The following AKAP9 variants were observed in gnomAD, a reference collection of about 807,000 sequenced individuals.
The protein encoded by AKAP9 is A-kinase anchoring protein 9, also known as A-kinase anchor protein 9.
A neutral mutation model predicts 488.5 loss-of-function variants in AKAP9; 311 were observed. That is an observed-to-expected ratio of 0.64 (90% CI 0.58 to 0.70). The LOEUF is 0.70. Ranked by LOEUF, AKAP9 falls within the 30% of genes least tolerant of loss-of-function variation. AKAP9 has a pLI of 0.00. For missense variants in AKAP9, 4,215 were observed against 4,374.5 expected (o/e 0.96, Z 1.03); for synonymous variants, 1,462 against 1,483.5 (o/e 0.99, Z 0.33).
chr7:92,102,903 C>T (rs567931152), intron 46 of AKAP9, 77 bp downstream of exon 46: 2 of 1,260,750 alleles, frequency 1.6e-6, no homozygotes, highest in Admixed American at 1.7e-5. Flanking sequence ...TCCCTCTATT[C>T]TCTGCTGGTT....
chr7:92,049,321 A>G (rs1807519886), intron 21 of AKAP9, among the ~76,000 whole-genome samples: 2 of 152,122 alleles, frequency 1.3e-5, no homozygotes, highest in South Asian at 4.1e-4. Context: ...TATTAAAAAT[A>G]AAGTTTAGGG....
chr7:92,110,251 A>T lies in AKAP9; in HGVS notation c.*92A>T. 1 of 1,003,804 alleles carries T rather than the reference A, an allele frequency of 1.0e-6. No individual in the cohort carries two copies. The highest frequency in any genetic ancestry group is 1.5e-6 in the Non-Finnish European group (1 of 650,058). 62.2% of individuals were successfully genotyped at this position (1,003,804 alleles called of 1,614,324 possible). On this transcript the variant is annotated 3_prime_UTR_variant, in exon 50 of 50. Transcript: ENST00000356239. ...TGTGCTTTTGTATTGTGAATATTCA[A>T]TGGGACCAATATGAACACAGCTTAT...
intron 1 of AKAP9, among the ~76,000 whole-genome samples, chr7:91,963,681 C>A (rs1794064887): frequency 6.6e-6 from 1 of 152,116 alleles, no homozygotes; most frequent in Non-Finnish European, 1.5e-5. Context: ...CCATGCCCGG[C>A]TAATTTTTTT....
chr7:91,994,489 T>C (rs1267769365), intron 5 of AKAP9, 132 bp from the exon 6 acceptor site: 1 of 824,030 alleles, frequency 1.2e-6, no homozygotes, highest in Non-Finnish European at 1.9e-6. Context: ...TTAATAGTTT[T>C]CAAATGTGGA....
rs573634454 is a variant in AKAP9 at position 92,068,400 on chromosome 7, C to A, written c.6331-1630C>A. Among the ~76,000 whole-genome samples, 228 of 150,348 alleles carry A rather than the reference C, an allele frequency of 1.5e-3. 1 individual carries two copies. Among genetic ancestry groups the A allele is most frequent in the African/African-American group, 5.0e-3 (206 of 41,018 alleles). On this transcript the variant is annotated intron_variant, in intron 26 of 49. Coordinates refer to ENST00000356239, the MANE Select transcript of AKAP9 (RefSeq NM_005751.5). ...AAAAAAAAAAAAAGAAAAAAGTTATCCACAGTTTCTAGTTATTGCCCCATT... is the reference window on the plus strand; with the variant it reads ...AAAAAAAAAAAAAGAAAAAAGTTATACACAGTTTCTAGTTATTGCCCCATT...
chr7:91,982,224 G>T (rs1238121148), intron 3 of AKAP9, among the ~76,000 whole-genome samples: 1 of 151,648 alleles, frequency 6.6e-6, no homozygotes, highest in African/African-American at 2.4e-5. Flanking sequence ...TAAGTTCTAG[G>T]GTACCTGTGC....
At chr7:92,044,290 GA>G (rs1806596293) in intron 20 of AKAP9, among the ~76,000 whole-genome samples, 2 of 152,162 alleles carry the variant, frequency 1.3e-5, no homozygotes, top group Admixed American at 1.3e-4. Context: ...CATTCTAGTT[GA>G]AAACAGGTTT....
intron 22 of AKAP9, chr7:92,057,608 C>T (rs930024092): frequency 1.5e-5 from 3 of 194,014 alleles, no homozygotes; most frequent in Non-Finnish European, 3.2e-5. Context: ...TTGAATAGCT[C>T]AGTTCAGAAG....
At chr7:92,038,120 AAG>A (rs1424194153) in intron 16 of AKAP9, among the ~76,000 whole-genome samples, 2 of 152,182 alleles carry the variant, frequency 1.3e-5, no homozygotes, top group Admixed American at 6.5e-5. Context: ...TTTTTCTTGG[AAG>A]AGAGAAATAT....
intron 40 of AKAP9, among the ~76,000 whole-genome samples, chr7:92,095,789 C>T (rs561883069): frequency 1.6e-4 from 24 of 152,168 alleles, no homozygotes; most frequent in African/African-American, 2.2e-4. Flanking sequence ...CATTTTTGCC[C>T]GATTTTTTAT....
At chr7:92,052,506 T>A (rs2130804290) in intron 21 of AKAP9, among the ~76,000 whole-genome samples, 1 of 152,296 alleles carries the variant, frequency 6.6e-6, no homozygotes, top group Non-Finnish European at 1.5e-5. Context: ...ACATGATCAA[T>A]TTCTGCAAAT....
intron 14 of AKAP9, among the ~76,000 whole-genome samples, chr7:92,025,375 A>G (rs1476060649): frequency 6.6e-6 from 1 of 152,166 alleles, no homozygotes; most frequent in Non-Finnish European, 1.5e-5. Flanking sequence ...TTGAATGAAA[A>G]TCATTCGTTT....
At chr7:92,095,319 C>T (rs1246751194) in intron 40 of AKAP9, 146 bp downstream of exon 40, 15 of 917,586 alleles carry the variant, frequency 1.6e-5, no homozygotes, top group Admixed American at 7.5e-5. Flanking sequence ...CTACATAAAC[C>T]GTATTATGAG....
chr7:92,069,075 G>C (rs1367713513), intron 26 of AKAP9, among the ~76,000 whole-genome samples: 2 of 152,138 alleles, frequency 1.3e-5, no homozygotes, highest in Non-Finnish European at 2.9e-5. Context: ...ACCAAGACTA[G>C]AGACATTTAG....
At chr7:91,982,560 A>G (rs1015741968) in intron 3 of AKAP9, among the ~76,000 whole-genome samples, 4 of 152,134 alleles carry the variant, frequency 2.6e-5, no homozygotes, top group African/African-American at 9.7e-5. Context: ...CATGATATGT[A>G]TGTGCCACAT....
intron 24 of AKAP9, among the ~76,000 whole-genome samples, chr7:92,064,391 G>T (rs1016311237): frequency 1.3e-5 from 2 of 151,220 alleles, no homozygotes; most frequent in Non-Finnish European, 2.9e-5. Context: ...TATACACTTT[G>T]TTATATTAAT....
intron 3 of AKAP9, among the ~76,000 whole-genome samples, chr7:91,981,912 T>C (rs1325805780): frequency 6.6e-6 from 1 of 152,226 alleles, no homozygotes; most frequent in East Asian, 1.9e-4. Context: ...CTATAGCTTG[T>C]ATTTCTTGAC....
intron 31 of AKAP9, among the ~76,000 whole-genome samples, chr7:92,081,174 TATC>T (rs1448942528): frequency 6.6e-6 from 1 of 152,186 alleles, no homozygotes; most frequent in African/African-American, 2.4e-5. Flanking sequence ...CATGTTATGT[TATC>T]ATTCCTTTTA....
chr7:92,040,666 T>TTAAA lies in AKAP9; in HGVS notation c.4693-8_4693-7insTAAA. The TTAAA allele has an allele frequency of 1.5e-6, 2 of 1,351,618 alleles. No individual in the cohort carries two copies. The highest frequency in any genetic ancestry group is 1.5e-5 in the African/African-American group (1 of 66,212). 83.7% of individuals were successfully genotyped at this position (1,351,618 alleles called of 1,614,324 possible). A position where few individuals can be genotyped will look rare whatever the true frequency, so the allele number is the denominator to read the frequency against. On this transcript the variant is annotated splice_region_variant and splice_polypyrimidine_tract_variant and intron_variant, in intron 17 of 49. Coordinates refer to ENST00000356239, the MANE Select transcript of AKAP9 (RefSeq NM_005751.5). ...GAATTGTTTTTTTTTTTTTTTTTAC[T>TTAAA]ATTAAAGATTCATGATGAGATTTCA...
Sources: gnomAD v4.1 joint callset for allele counts (sites outside exome capture counted in the v4.1 genomes callset) on GRCh38, gnomAD v4.1.1 for gene constraint, MANE v1.5 for transcripts, NCBI Gene and HGNC (gene_info 2026-07-23, HGNC 2026-07-21) for gene names.